The following TSPEAR variants were observed in gnomAD, a reference collection of about 807,000 sequenced individuals.
The protein encoded by TSPEAR is thrombospondin type laminin G domain and EAR repeats, also known as thrombospondin-type laminin G domain and EAR repeat-containing protein.
A neutral mutation model predicts 71.6 loss-of-function variants in TSPEAR; 69 were observed. The ratio of observed to expected loss-of-function variants is 0.96; its 90% confidence interval spans 0.79 to 1.18. TSPEAR has a LOEUF of 1.18. TSPEAR is among the 50% of genes most tolerant of loss of function. The pLI is 0.00. For missense variants in TSPEAR, 971 were observed against 894.9 expected (o/e 1.09, Z -1.09); for synonymous variants, 402 against 387.2 (o/e 1.04, Z -0.45).
At chr21:44,657,283 G>A (rs1555942713) in intron 1 of TSPEAR, among the ~76,000 whole-genome samples, 1 of 152,138 alleles carries the variant, frequency 6.6e-6, no homozygotes, top group Non-Finnish European at 1.5e-5. Flanking sequence ...CGTTGCTGCT[G>A]GTACACAATA....
intron 7 of TSPEAR, among the ~76,000 whole-genome samples, chr21:44,526,493 CA>C (rs74818663): frequency 0.017 from 2,411 of 138,286 alleles, 28 homozygotes; most frequent in Non-Finnish European, 0.024. Context: ...TGTCATCAAT[CA>C]AAAAAAAAAA....
chr21:44,567,738 G>A lies in TSPEAR; in HGVS notation c.303+47C>T, dbSNP rs782743258. ...CGCGTTGGTACTGGGAACCTCACAAGGGAAAATTACGCTATTATAACACGA... is the reference window on the plus strand; with the variant it reads ...CGCGTTGGTACTGGGAACCTCACAAAGGAAAATTACGCTATTATAACACGA... On this transcript the variant is annotated intron_variant, in intron 2 of 11. Transcript: ENST00000323084. The A allele has an allele frequency of 4.0e-6, 6 of 1,491,876 alleles. No individual in the cohort carries two copies. In the East Asian group the frequency reaches 1.2e-4, roughly 29 times the overall value. The allele number at this position is 1,491,876 out of a possible 1,614,324, so 92.4% of individuals were successfully genotyped here.
intron 1 of TSPEAR, among the ~76,000 whole-genome samples, chr21:44,585,166 T>G (rs1388099743): frequency 6.6e-6 from 1 of 152,224 alleles, no homozygotes; most frequent in Non-Finnish European, 1.5e-5. Context: ...TGGTAAACTT[T>G]CTGGATCCCT....
chr21:44,690,418 T>C (rs998108885), intron 1 of TSPEAR: 1 of 333,920 alleles, frequency 3.0e-6, no homozygotes, highest in Non-Finnish European at 4.3e-6. Context: ...ACATCAAAGA[T>C]AACAAGTGGT....
chr21:44,691,361 T>C (rs880001749), intron 1 of TSPEAR, among the ~76,000 whole-genome samples: 6 of 152,212 alleles, frequency 3.9e-5, no homozygotes, highest in African/African-American at 1.2e-4. Flanking sequence ...ACAGCTGACT[T>C]TCTCTATAAT....
intron 9 of TSPEAR, among the ~76,000 whole-genome samples, chr21:44,514,643 C>T (rs1437549033): frequency 2.0e-5 from 3 of 152,218 alleles, no homozygotes; most frequent in African/African-American, 7.2e-5. Context: ...ACTGCACGGC[C>T]TACTCCTCGT....
chr21:44,636,113 C>A (rs1439547734), intron 1 of TSPEAR, among the ~76,000 whole-genome samples: 1 of 152,220 alleles, frequency 6.6e-6, no homozygotes, highest in Non-Finnish European at 1.5e-5. Flanking sequence ...ATTACAAGTA[C>A]TTTCTGGCAG....
intron 1 of TSPEAR, among the ~76,000 whole-genome samples, chr21:44,645,297 C>T (rs1228431370): frequency 1.3e-5 from 2 of 151,394 alleles, no homozygotes; most frequent in Non-Finnish European, 2.9e-5. Flanking sequence ...GATCCACCAG[C>T]TACTGAATCT....
rs1244822404 is a variant in TSPEAR, at chr21:44,612,945, G to C, written c.83-44940C>G. On this transcript the variant is annotated intron_variant, in intron 1 of 11. Transcript: ENST00000323084. This position sits in a 1 kb window ranked among gnomAD's most constrained non-coding sequence, Gnocchi z 4.1. ...CGTCCCCCAGGGCCAGCCGGCTCCG[G>C]TCCTGTCCTGGGTTAAGTGGCTGCC... 2 of 1,586,076 alleles carry C rather than the reference G, an allele frequency of 1.3e-6. No individual in the cohort carries two copies. Among genetic ancestry groups the C allele is most frequent in the Non-Finnish European group, 1.7e-6 (2 of 1,169,900 alleles).
chr21:44,683,822 A>G (rs1426289360), intron 1 of TSPEAR, among the ~76,000 whole-genome samples: 2 of 152,238 alleles, frequency 1.3e-5, no homozygotes, highest in African/African-American at 4.8e-5. Context: ...AAACTGTTCA[A>G]ATAATTAAAG....
At chr21:44,614,965 A>G (rs1981977219) in intron 1 of TSPEAR, among the ~76,000 whole-genome samples, 4 of 152,104 alleles carry the variant, frequency 2.6e-5, no homozygotes, top group Admixed American at 2.6e-4. Context: ...AACCCCAGGC[A>G]CCTCACCCCA....
At chr21:44,513,474 A>C (rs1182242237) in intron 9 of TSPEAR, among the ~76,000 whole-genome samples, 2 of 152,220 alleles carry the variant, frequency 1.3e-5, no homozygotes, top group African/African-American at 4.8e-5. Context: ...CACGGGAGCC[A>C]AGCGACCAGG....
chr21:44,517,422 G>C (rs1463283346), intron 9 of TSPEAR: 8 of 229,954 alleles, frequency 3.5e-5, no homozygotes, highest in Non-Finnish European at 7.0e-5. Flanking sequence ...GGACAAGCTG[G>C]GTCATGTGAC....
intron 1 of TSPEAR, chr21:44,627,650 A>G (rs781982070): frequency 1.9e-6 from 3 of 1,588,194 alleles, no homozygotes; most frequent in Non-Finnish European, 8.5e-7. Context: ...GAGGATTCCT[A>G]TTCATGCTGC....
chr21:44,580,324 C>T, intron 1 of TSPEAR: 1 of 1,614,002 alleles, frequency 6.2e-7, no homozygotes, highest in Non-Finnish European at 8.5e-7. Context: ...AGCAGGCCTG[C>T]TGGCAGGGGG....
In TSPEAR at chr21:44,627,913, T is replaced by C. The variant is rs199639282; in HGVS notation, c.83-59908A>G. 233 of 1,519,296 alleles carry C rather than the reference T, an allele frequency of 1.5e-4. 1 individual carries two copies. The East Asian group carries it at 3.9e-3, about 26-fold the overall frequency. 94.1% of individuals were successfully genotyped at this position (1,519,296 alleles called of 1,614,324 possible). On this transcript the variant is annotated intron_variant, in intron 1 of 11. Transcript: ENST00000323084. Reference sequence around the variant, plus strand: ...CAGGCCCGCCTGCTGCGTGCCCGTCTCCTCCTGCTGTGCCCCCACCTCCTC... The same window carrying C: ...CAGGCCCGCCTGCTGCGTGCCCGTCCCCTCCTGCTGTGCCCCCACCTCCTC...
chr21:44,501,528 C>T (rs944355629), intron 11 of TSPEAR, among the ~76,000 whole-genome samples: 1 of 152,164 alleles, frequency 6.6e-6, no homozygotes. Flanking sequence ...ACCCAGGAGG[C>T]GGAGCTTGCA....
intron 1 of TSPEAR, chr21:44,647,223 C>T: frequency 1.9e-6 from 3 of 1,613,390 alleles, no homozygotes; most frequent in Non-Finnish European, 2.5e-6. Context: ...CCGTCTCCTC[C>T]TGCTGTGCCC....
intron 9 of TSPEAR, among the ~76,000 whole-genome samples, 172 bp from the exon 10 acceptor site, chr21:44,509,558 C>T (rs191759033): frequency 4.0e-5 from 6 of 148,394 alleles, no homozygotes; most frequent in Admixed American, 2.7e-4. Flanking sequence ...TGTGGGTGAG[C>T]GGGCGCAGAG....
Sources: allele counts gnomAD v4.1 joint callset (sites outside exome capture counted in the v4.1 genomes callset), GRCh38; gene constraint gnomAD v4.1.1; non-coding constraint Gnocchi (gnomAD v3.1); transcripts MANE v1.5; gene names NCBI Gene and HGNC (gene_info 2026-07-23, HGNC 2026-07-21).